The following FAM53B variants were observed in gnomAD, a reference collection of about 807,000 sequenced individuals.
The protein encoded by FAM53B is family with sequence similarity 53 member B.
FAM53B carries 12 observed loss-of-function variants against 32.7 expected under a neutral mutation model. That is an observed-to-expected ratio of 0.37 (90% CI 0.24 to 0.59). FAM53B has a LOEUF of 0.59. FAM53B is among the 20% of genes least tolerant of loss of function. FAM53B has a pLI of 0.72. For missense variants in FAM53B, 477 were observed against 577.7 expected (o/e 0.83, Z 1.79); for synonymous variants, 234 against 228.7 (o/e 1.02, Z -0.21).
chr10:124,730,351 A>G (rs891416379), intron 1 of FAM53B, among the ~76,000 whole-genome samples: 6 of 152,204 alleles, frequency 3.9e-5, no homozygotes, highest in African/African-American at 7.2e-5. Context: ...GTGAACCAGG[A>G]GCTGAGGTTA....
chr10:124,624,425 G>A (rs926020113), intron 4 of FAM53B, among the ~76,000 whole-genome samples: 3 of 152,228 alleles, frequency 2.0e-5, no homozygotes, highest in African/African-American at 7.2e-5. Flanking sequence ...ATCTGCTGAG[G>A]AGGGGCCAGG....
intron 4 of FAM53B, among the ~76,000 whole-genome samples, chr10:124,638,230 T>A (rs1308002276): frequency 6.6e-6 from 1 of 151,582 alleles, no homozygotes. Context: ...ATTAGCAGGG[T>A]GTGGTGGCGG....
At chr10:124,739,153 C>CA (rs1281630854) in intron 1 of FAM53B, among the ~76,000 whole-genome samples, 1 of 151,978 alleles carries the variant, frequency 6.6e-6, no homozygotes, top group Non-Finnish European at 1.5e-5. Context: ...CAAGACTAAA[C>CA]AAAATTTCTG....
chr10:124,676,800 C>CAT (rs1949739297), intron 4 of FAM53B, among the ~76,000 whole-genome samples: 1 of 152,142 alleles, frequency 6.6e-6, no homozygotes, highest in South Asian at 2.1e-4. Context: ...TTCCCAAAGA[C>CAT]GTGCTGGCAT....
intron 4 of FAM53B, among the ~76,000 whole-genome samples, chr10:124,645,002 T>C (rs752819312): frequency 5.3e-5 from 8 of 152,330 alleles, no homozygotes; most frequent in Non-Finnish European, 1.0e-4. Flanking sequence ...GACTGTCACC[T>C]GCAGGGCTGA....
intron 1 of FAM53B, among the ~76,000 whole-genome samples, chr10:124,725,038 G>A (rs1950093233): frequency 6.6e-6 from 1 of 152,202 alleles, no homozygotes; most frequent in African/African-American, 2.4e-5. Context: ...TTGTTTCTGA[G>A]GAGCGAGAGT....
chr10:124,641,875 C>T (rs897292131), intron 4 of FAM53B, among the ~76,000 whole-genome samples: 1 of 152,180 alleles, frequency 6.6e-6, no homozygotes, highest in African/African-American at 2.4e-5. Flanking sequence ...CTTGGCACAC[C>T]GCGACTCGCT....
intron 1 of FAM53B, among the ~76,000 whole-genome samples, chr10:124,717,689 T>G (rs1275128657): frequency 6.6e-6 from 1 of 152,162 alleles, no homozygotes; most frequent in Non-Finnish European, 1.5e-5. Context: ...TGGGGATGTA[T>G]GCGTGATTGC....
chr10:124,684,053 G>A (rs971287157), intron 3 of FAM53B, among the ~76,000 whole-genome samples: 2 of 152,194 alleles, frequency 1.3e-5, no homozygotes, highest in Non-Finnish European at 2.9e-5. Flanking sequence ...CAGAGCTAAC[G>A]GTGGTACTCC....
At chr10:124,732,340 A>G (rs989298807) in intron 1 of FAM53B, among the ~76,000 whole-genome samples, 1 of 152,202 alleles carries the variant, frequency 6.6e-6, no homozygotes, top group Non-Finnish European at 1.5e-5. Flanking sequence ...GAAACCGGGC[A>G]GGATCAGCCA....
At chr10:124,657,450 G>A (rs747757115) in intron 4 of FAM53B, among the ~76,000 whole-genome samples, 65 of 152,194 alleles carry the variant, frequency 4.3e-4, no homozygotes, top group Middle Eastern at 3.4e-3. Flanking sequence ...ACTTCTCAGC[G>A]TTATAACTGC....
At chr10:124,683,299 C>T (rs1589749662) in intron 3 of FAM53B, among the ~76,000 whole-genome samples, 1 of 152,292 alleles carries the variant, frequency 6.6e-6, no homozygotes, top group East Asian at 1.9e-4. Context: ...ATAAATTTGA[C>T]ATAGTTCTTG....
intron 4 of FAM53B, among the ~76,000 whole-genome samples, chr10:124,674,951 G>A (rs1949728371): frequency 6.6e-6 from 1 of 152,236 alleles, no homozygotes; most frequent in Non-Finnish European, 1.5e-5. Context: ...GAGAGCCGGG[G>A]CCTCCCAGAG....
At chr10:124,694,300 C>A (rs1306146286) in intron 3 of FAM53B, among the ~76,000 whole-genome samples, 1 of 152,222 alleles carries the variant, frequency 6.6e-6, no homozygotes, top group South Asian at 2.1e-4. Context: ...TCCTGGAAAC[C>A]ATGGCCTCCC....
chr10:124,711,502 T>C (rs560379815), intron 1 of FAM53B, among the ~76,000 whole-genome samples: 1 of 152,312 alleles, frequency 6.6e-6, no homozygotes, highest in African/African-American at 2.4e-5. Flanking sequence ...TCTGTATTAT[T>C]TCCTGTAACT....
At chr10:124,724,234 T>C (rs1380626228) in intron 1 of FAM53B, among the ~76,000 whole-genome samples, 1 of 152,026 alleles carries the variant, frequency 6.6e-6, no homozygotes, top group African/African-American at 2.4e-5. Context: ...GGTGAGGGTA[T>C]TCTATTAGGA....
rs78765300 is a variant in FAM53B at position 124,623,311 on chromosome 10, G to C, written c.1200C>G (p.Arg400=). The change falls in exon 5 of 5, where the codon CGC becomes CGG. Residue 400 remains arginine (R), a synonymous_variant. Transcript: ENST00000337318. ...AGCAGAGGCTGTTCCCAGGGGCCCCGCGGTCCCGCCAGGCTGCAGCCGGCT... is the reference window on the plus strand; with the variant it reads ...AGCAGAGGCTGTTCCCAGGGGCCCCCCGGTCCCGCCAGGCTGCAGCCGGCT... ...RAEPAAAWRD[R]GAPGNSLCSL... 5.2e-4 allele frequency: 835 copies of C among 1,612,436 alleles called. 10 individuals carry two copies. The East Asian group carries it at 0.016, about 30-fold the overall frequency.
chr10:124,739,535 T>C (rs1328026016), intron 1 of FAM53B, among the ~76,000 whole-genome samples: 9 of 152,136 alleles, frequency 5.9e-5, no homozygotes, highest in Non-Finnish European at 1.0e-4. Flanking sequence ...AAGTCAGGAG[T>C]TAGCCTGCCA....
chr10:124,657,084 G>GTGTGTATATATATGTGTATATATA (rs928088219), intron 4 of FAM53B, among the ~76,000 whole-genome samples: 3 of 134,322 alleles, frequency 2.2e-5, no homozygotes, highest in Admixed American at 8.0e-5. Context: ...ATATATATGT[G>GTGTGTATATATATGTGTATATATA]TGTGTATATA....
Sources: allele counts gnomAD v4.1 joint callset (sites outside exome capture counted in the v4.1 genomes callset), GRCh38; gene constraint gnomAD v4.1.1; transcripts MANE v1.5; gene names NCBI Gene and HGNC (gene_info 2026-07-23, HGNC 2026-07-21).